The following GLRA3 variants were observed in gnomAD, a reference collection of about 807,000 sequenced individuals.
GLRA3 encodes glycine receptor alpha 3.
In GLRA3, 44 loss-of-function variants were observed where a neutral mutation model predicts 60.4. The observed-to-expected ratio is 0.73, with a 90% confidence interval of 0.57 to 0.94. The LOEUF is 0.94. Among genes scored for constraint, GLRA3 ranks in the 40% least tolerant of loss-of-function variants. The pLI is 0.00. For synonymous variants in GLRA3, 223 were observed against 192.9 expected (o/e 1.16, Z -1.29); for missense variants, 508 against 564.6 (o/e 0.90, Z 1.02).
intron 3 of GLRA3, among the ~76,000 whole-genome samples, chr4:174,731,662 T>C (rs1470685433): frequency 6.6e-6 from 1 of 152,204 alleles, no homozygotes; most frequent in East Asian, 1.9e-4. Flanking sequence ...AATTCTACGA[T>C]GTCAGAATTA....
intron 1 of GLRA3, among the ~76,000 whole-genome samples, chr4:174,789,415 GT>G (rs1296552399): frequency 5.3e-5 from 8 of 152,100 alleles, no homozygotes; most frequent in African/African-American, 1.2e-4. Context: ...ATTAAACAAT[GT>G]TTTTTTCTTC....
intron 1 of GLRA3, among the ~76,000 whole-genome samples, chr4:174,806,105 A>T (rs774726417): frequency 2.6e-5 from 4 of 152,162 alleles, no homozygotes; most frequent in Non-Finnish European, 5.9e-5. Flanking sequence ...TGTTCCTTGT[A>T]AACATTTTTG....
At chr4:174,718,919 C>G (rs59185609) in intron 4 of GLRA3, among the ~76,000 whole-genome samples, 28,093 of 148,436 alleles carry the variant, frequency 0.19, 3,130 homozygotes, top group East Asian at 0.47. Context: ...ATTGCTACAG[C>G]TGAATTTGCA....
chr4:174,706,167 T>C (rs1735511044), intron 5 of GLRA3, among the ~76,000 whole-genome samples: 5 of 151,946 alleles, frequency 3.3e-5, no homozygotes, highest in Admixed American at 2.6e-4. Context: ...GAGGCAGAGC[T>C]TGCAGTGAGC....
At chr4:174,666,656 T>C (rs1733675968) in intron 7 of GLRA3, among the ~76,000 whole-genome samples, 1 of 150,708 alleles carries the variant, frequency 6.6e-6, no homozygotes, top group Non-Finnish European at 1.5e-5. Context: ...TACACTTTTT[T>C]CCCCAAGAAA....
At chr4:174,813,520 C>T (rs1332393743) in intron 1 of GLRA3, among the ~76,000 whole-genome samples, 1 of 152,128 alleles carries the variant, frequency 6.6e-6, no homozygotes, top group African/African-American at 2.4e-5. Flanking sequence ...TTCTGTGTTG[C>T]CTCGTAACCA....
At chr4:174,750,257 T>C (rs983836127) in intron 3 of GLRA3, among the ~76,000 whole-genome samples, 1 of 152,088 alleles carries the variant, frequency 6.6e-6, no homozygotes, top group African/African-American at 2.4e-5. Context: ...TTGCTATAGG[T>C]GTGTTTACAG....
intron 1 of GLRA3, among the ~76,000 whole-genome samples, chr4:174,812,113 A>G (rs1254693368): frequency 2.0e-5 from 3 of 152,176 alleles, no homozygotes; most frequent in Non-Finnish European, 4.4e-5. Context: ...GAAATAAGCA[A>G]TACTGACAGA....
intron 5 of GLRA3, among the ~76,000 whole-genome samples, chr4:174,690,233 T>C (rs1330518207): frequency 6.6e-6 from 1 of 152,190 alleles, no homozygotes; most frequent in Non-Finnish European, 1.5e-5. Flanking sequence ...CTTTATTATT[T>C]TCAAAACTAC....
At chr4:174,698,946 G>T (rs1735182498) in intron 5 of GLRA3, among the ~76,000 whole-genome samples, 1 of 151,634 alleles carries the variant, frequency 6.6e-6, no homozygotes. Flanking sequence ...TATATAATTT[G>T]CCATATATAT....
At chr4:174,722,141 T>C (rs931525555) in intron 4 of GLRA3, among the ~76,000 whole-genome samples, 6 of 152,188 alleles carry the variant, frequency 3.9e-5, no homozygotes, top group Non-Finnish European at 8.8e-5. Context: ...CCTTTCAGCA[T>C]TTTAGGGCCA....
rs149626708 is a variant in GLRA3, at chr4:174,661,912, G to A, written c.928-2715C>T. 1.2e-3 allele frequency among the ~76,000 whole-genome samples: 176 copies of A among 152,314 alleles called. 3 individuals are homozygous for A. In the Middle Eastern group the frequency reaches 0.014, roughly 12 times the overall value. Reference sequence around the variant, plus strand: ...AAGAGTAAAAAGAAAAGCTACGTCCGTATTTTCTAGAAATAGACTTATACA... The same window carrying A: ...AAGAGTAAAAAGAAAAGCTACGTCCATATTTTCTAGAAATAGACTTATACA... On this transcript the variant is annotated intron_variant, in intron 7 of 9. Transcript: ENST00000274093.
rs116082746 is a variant in GLRA3 at position 174,737,961 on chromosome 4, A to C, written c.268-9263T>G. On this transcript the variant is annotated intron_variant, in intron 3 of 9. Transcript: ENST00000274093. ...TATGAAATGTGAGAGGTTAAAAATT[A>C]AAGGAAAAATGTTCCACTTTGGAAG... Among the ~76,000 whole-genome samples, 1,013 of 152,358 alleles carry C rather than the reference A, an allele frequency of 6.6e-3. 10 individuals are homozygous for C. Among genetic ancestry groups the C allele is most frequent in the African/African-American group, 0.023 (970 of 41,584 alleles).
intron 2 of GLRA3, among the ~76,000 whole-genome samples, chr4:174,784,492 C>A (rs28435363): frequency 0.63 from 83,198 of 131,290 alleles, 23,421 homozygotes; most frequent in East Asian, 0.68. Context: ...AAAAAAAAAA[C>A]CAAAAACACA....
rs1357104088 is a variant in GLRA3, at chr4:174,788,905, C to T, written c.110G>A (p.Arg37Gln). The T allele has an allele frequency of 3.7e-6, 6 of 1,607,648 alleles. No individual in the cohort carries two copies. Among genetic ancestry groups the T allele is most frequent in the Admixed American group, 1.7e-5 (1 of 59,492 alleles). ...ATCAGAAGGTGACATTGGAGCACTT[C>T]GAGATCTTGCACTGTCTGTTTCCTT... ...ATKETDSARS[R>Q]SAPMSPSDFL... The change falls in exon 2 of 10, where the codon CGA becomes CAA. Residue 37 changes from arginine to glutamine, a missense_variant. Physicochemically the swap from Arg to Gln is conservative, Grantham distance 43. Transcript: ENST00000274093.
intron 1 of GLRA3, among the ~76,000 whole-genome samples, chr4:174,800,513 C>T (rs941732170): frequency 1.3e-5 from 2 of 152,012 alleles, no homozygotes; most frequent in East Asian, 3.9e-4. Context: ...CTCCTGATTT[C>T]ATTTATTTTC....
chr4:174,728,725 A>G, intron 3 of GLRA3, 27 bp from the exon 4 acceptor site: 1 of 1,339,836 alleles, frequency 7.5e-7, no homozygotes, highest in Non-Finnish European at 1.0e-6. Flanking sequence ...AAAGAAAGAA[A>G]AAAAAAAACC....
At chr4:174,709,689 A>C (rs1467640216) in intron 5 of GLRA3, among the ~76,000 whole-genome samples, 1 of 152,090 alleles carries the variant, frequency 6.6e-6, no homozygotes, top group Non-Finnish European at 1.5e-5. Context: ...GATTTGAGGA[A>C]TAAGCACATT....
At chr4:174,644,514 GT>G (rs112378419) in intron 9 of GLRA3, among the ~76,000 whole-genome samples, 23,504 of 151,780 alleles carry the variant, frequency 0.15, 3,547 homozygotes, top group African/African-American at 0.39. Context: ...ACCTTTTAAA[GT>G]TTTTCTTTCA....
Sources: allele counts gnomAD v4.1 joint callset (sites outside exome capture counted in the v4.1 genomes callset), GRCh38; gene constraint gnomAD v4.1.1; transcripts MANE v1.5; gene names NCBI Gene and HGNC (gene_info 2026-07-23, HGNC 2026-07-21).